The following C12orf42 variants were observed in gnomAD, a reference collection of about 807,000 sequenced individuals.
C12orf42 encodes uncharacterized protein C12orf42.
Under a neutral mutation model 21.6 loss-of-function variants are expected in C12orf42, and 25 were observed. The ratio of observed to expected loss-of-function variants is 1.16; its 90% confidence interval spans 0.84 to 1.62. The LOEUF is 1.62. Ranked by LOEUF, C12orf42 falls within the 40% of genes most tolerant of loss-of-function variation. The probability of loss-of-function intolerance (pLI) is 0.00; values close to 1 mark genes in which losing one functional copy is unlikely to be tolerated. For synonymous variants in C12orf42, 174 were observed against 175.0 expected (o/e 0.99, Z 0.05); for missense variants, 483 against 459.3 (o/e 1.05, Z -0.47).
At chr12:103,221,669 G>A in the C12orf42 span, among the ~76,000 whole-genome samples, 6 of 152,230 alleles carry the variant, frequency 3.9e-5, no homozygotes, top group African/African-American at 1.4e-4. Context: ...AAAGGCATTG[G>A]TTTGGAATCA....
chr12:103,245,661 G>A (rs564357714), intron 10 of C12orf42, among the ~76,000 whole-genome samples: 14 of 152,038 alleles, frequency 9.2e-5, no homozygotes, highest in Admixed American at 8.5e-4. Flanking sequence ...CCAAATACTG[G>A]GCCAAAAAAT....
intron 5 of C12orf42, 137 bp from the exon 6 acceptor site, chr12:103,302,696 C>T (rs2037844715): frequency 1.6e-6 from 1 of 625,712 alleles, no homozygotes. Context: ...AAAAAAAAAA[C>T]CCTGACATGA....
chr12:103,352,167 C>T (rs1434954869), intron 4 of C12orf42, among the ~76,000 whole-genome samples: 1 of 152,096 alleles, frequency 6.6e-6, no homozygotes, highest in Non-Finnish European at 1.5e-5. Flanking sequence ...TGGTTCTTCA[C>T]TTACCCATTG....
At chr12:103,248,580 C>A (rs2034127173) in intron 10 of C12orf42, among the ~76,000 whole-genome samples, 1 of 151,944 alleles carries the variant, frequency 6.6e-6, no homozygotes, top group Admixed American at 6.6e-5. Context: ...TAATATATTT[C>A]TGACCCCTTT....
At position 103,302,399 on chromosome 12, in the gene C12orf42, T is replaced by A; in HGVS notation, c.792A>T (p.Arg264Ser). Residue 264 changes from arginine (R) to serine (S), a missense_variant, in exon 6 of 6, where the codon AGA (arginine) becomes AGT (serine). Transcript: ENST00000548883. The stretch of plus-strand genomic sequence containing the variant: ...CGGGATTTCCGGACGCGCCCAGGAG[T>A]CTGCTTTGGATGTCGTCGGGGTGTG... ...AQAHPDDIQS[R>S]LLGASGNPVG... 6.2e-7 allele frequency: 1 copy of A among 1,613,230 alleles called. No individual in the cohort carries two copies. The highest frequency in any genetic ancestry group is 8.5e-7 in the Non-Finnish European group (1 of 1,179,694).
At chr12:103,075,035 C>T in the C12orf42 span, among the ~76,000 whole-genome samples, 14 of 152,088 alleles carry the variant, frequency 9.2e-5, no homozygotes, top group African/African-American at 3.4e-4. Context: ...CTGCAGTGAG[C>T]TGTGATCATG....
At chr12:103,488,219 T>C (rs895490368) in intron 1 of C12orf42, among the ~76,000 whole-genome samples, 3 of 152,200 alleles carry the variant, frequency 2.0e-5, no homozygotes, top group Non-Finnish European at 4.4e-5. Flanking sequence ...TTATGAAGCT[T>C]AGTTTGGCTG....
chr12:103,324,839 T>TG (rs1566082647), intron 4 of C12orf42, among the ~76,000 whole-genome samples: 2 of 152,242 alleles, frequency 1.3e-5, no homozygotes, highest in African/African-American at 4.8e-5. Context: ...GCAGAGCTCC[T>TG]GTTTCCCTTG....
At chr12:103,545,608 G>A in the C12orf42 span, among the ~76,000 whole-genome samples, 1 of 152,148 alleles carries the variant, frequency 6.6e-6, no homozygotes, top group African/African-American at 2.4e-5. Flanking sequence ...CTATGGCAAA[G>A]ACTAAAATGT....
the C12orf42 span, among the ~76,000 whole-genome samples, chr12:103,561,207 G>A: frequency 1.3e-5 from 2 of 152,160 alleles, no homozygotes; most frequent in Non-Finnish European, 2.9e-5. Flanking sequence ...GTGGAGAGGG[G>A]GCAGGAGCTC....
At chr12:103,104,366 C>T in the C12orf42 span, among the ~76,000 whole-genome samples, 5 of 152,188 alleles carry the variant, frequency 3.3e-5, no homozygotes, top group African/African-American at 1.2e-4. Flanking sequence ...AAATTGAATA[C>T]CAATCCAGGG....
the C12orf42 span, among the ~76,000 whole-genome samples, chr12:103,545,511 G>A: frequency 6.6e-6 from 1 of 152,112 alleles, no homozygotes; most frequent in Non-Finnish European, 1.5e-5. Flanking sequence ...GAGAAAATAA[G>A]GGGAAAAAAC....
At chr12:103,521,651 C>A in the C12orf42 span, among the ~76,000 whole-genome samples, 1 of 152,140 alleles carries the variant, frequency 6.6e-6, no homozygotes, top group East Asian at 1.9e-4. Flanking sequence ...ATGTAACAAA[C>A]CTGCACATCC....
At chr12:103,538,962 AG>A in the C12orf42 span, among the ~76,000 whole-genome samples, 1 of 152,152 alleles carries the variant, frequency 6.6e-6, no homozygotes, top group Non-Finnish European at 1.5e-5. Flanking sequence ...AAAGAGGGGG[AG>A]GAGTACTTCT....
At chr12:103,527,898 A>G in the C12orf42 span, among the ~76,000 whole-genome samples, 1 of 152,246 alleles carries the variant, frequency 6.6e-6, no homozygotes, top group Non-Finnish European at 1.5e-5. Flanking sequence ...TTATACAATG[A>G]AGGCATGTCT....
the C12orf42 span, among the ~76,000 whole-genome samples, chr12:103,083,676 ACTTCTAC>A: frequency 1.3e-5 from 2 of 152,240 alleles, no homozygotes; most frequent in African/African-American, 4.8e-5. Flanking sequence ...CTGAGTTGAA[ACTTCTAC>A]CTACCAAAAT....
chr12:103,127,080 T>A, the C12orf42 span, among the ~76,000 whole-genome samples: 5 of 152,296 alleles, frequency 3.3e-5, no homozygotes, highest in African/African-American at 1.2e-4. Context: ...CTGAAGATGA[T>A]ATGTGGAGAA....
the C12orf42 span, among the ~76,000 whole-genome samples, chr12:103,093,344 G>A: frequency 9.9e-5 from 15 of 152,132 alleles, no homozygotes; most frequent in African/African-American, 2.4e-4. Flanking sequence ...TCCCTTCCCC[G>A]CCATGCCCAT....
chr12:103,305,146 G>A (rs1192611447), intron 5 of C12orf42, among the ~76,000 whole-genome samples: 1 of 152,198 alleles, frequency 6.6e-6, no homozygotes, highest in African/African-American at 2.4e-5. Flanking sequence ...TTACGAATTT[G>A]TGTTGGGCCA....
Sources: allele counts gnomAD v4.1 joint callset (sites outside exome capture counted in the v4.1 genomes callset), GRCh38; gene constraint gnomAD v4.1.1; transcripts MANE v1.5; gene names NCBI Gene and HGNC (gene_info 2026-07-23, HGNC 2026-07-21).